Variants in XPO6 observed in about 807,000 individuals in gnomAD.
XPO6 encodes exportin 6.
Under a neutral mutation model 130.0 loss-of-function variants are expected in XPO6, and 3 were observed. The observed-to-expected ratio is 0.02, with a 90% CI of 0.01 to 0.06. XPO6 has a LOEUF of 0.06. XPO6 is among the 10% of genes least tolerant of loss of function. The probability of loss-of-function intolerance (pLI) is 1.00; values close to 1 mark genes in which losing one functional copy is unlikely to be tolerated. For synonymous variants in XPO6, 524 were observed against 548.9 expected, an observed-to-expected ratio of 0.95 and a Z score of 0.63; for missense variants, 970 against 1,393.0, an observed-to-expected ratio of 0.70 and a Z score of 4.83.
chr16:28,169,674 G>T, intron 5 of XPO6, 76 bp downstream of exon 5: 1 of 1,558,490 alleles, frequency 6.4e-7, no homozygotes, highest in Admixed American at 1.9e-5. Flanking sequence ...ACTGCTCAAA[G>T]CTGCTGAGTG....
rs1262287481 is a variant in XPO6, at chr16:28,135,281, G to C, written c.1378C>G (p.Arg460Gly). 1 of 1,613,966 alleles carries C rather than the reference G, an allele frequency of 6.2e-7. No individual in the cohort carries two copies. The highest frequency in any genetic ancestry group is 2.2e-5 in the East Asian group (1 of 44,880). ...GCTTGGTTGTATCTGAACTGGATTC[G>C]ATTCAACACCTCTGTGAGCAGGAGC... ...LVLLLTEVLNRIQFRYNQAQL... is the reference protein window; with the variant it reads ...LVLLLTEVLNGIQFRYNQAQL... Residue 460 changes from arginine to glycine, a missense_variant, in exon 10 of 24, where the codon CGA (arginine) becomes GGA (glycine). By Grantham distance (125) the Arg-to-Gly change is moderately radical. Around this residue, in one of 4 missense-constraint regions of XPO6, gnomAD observed 936 missense variants for 1,306.8 expected, o/e 0.72. Coordinates refer to ENST00000304658, the MANE Select transcript of XPO6 (RefSeq NM_015171.4).
intron 1 of XPO6, among the ~76,000 whole-genome samples, chr16:28,182,425 G>A (rs755000399): frequency 7.2e-5 from 11 of 152,010 alleles, no homozygotes; most frequent in Non-Finnish European, 1.2e-4. Context: ...CAGAACACAG[G>A]GCCACGTTCC....
chr16:28,109,158 C>T (rs575559214), intron 17 of XPO6, among the ~76,000 whole-genome samples: 39 of 151,460 alleles, frequency 2.6e-4, no homozygotes, highest in Non-Finnish European at 4.7e-4. Context: ...GAAATTCAAA[C>T]GAGGACAAAA....
At chr16:28,187,483 T>C (rs2043713921) in intron 1 of XPO6, among the ~76,000 whole-genome samples, 1 of 152,070 alleles carries the variant, frequency 6.6e-6, no homozygotes, top group African/African-American at 2.4e-5. Flanking sequence ...AGTTATTTAA[T>C]GTGTCACTGT....
At chr16:28,147,588 C>T (rs910684622) in intron 8 of XPO6, among the ~76,000 whole-genome samples, 1 of 152,090 alleles carries the variant, frequency 6.6e-6, no homozygotes, top group Admixed American at 6.5e-5. Flanking sequence ...GCAATACTGA[C>T]AATATCCACG....
At chr16:28,211,158 G>A (rs959033804) in intron 1 of XPO6, among the ~76,000 whole-genome samples, 72 of 152,222 alleles carry the variant, frequency 4.7e-4, no homozygotes, top group African/African-American at 1.6e-3. Context: ...TGCGCTCCCA[G>A]GGCCCTCCCA....
At chr16:28,111,135 A>G (rs1364307842) in intron 17 of XPO6, 1 of 152,264 alleles carries the variant, frequency 6.6e-6, no homozygotes, top group East Asian at 1.9e-4. Flanking sequence ...TTTAAAGAGT[A>G]TAGTATTTAT....
At chr16:28,154,301 A>C in intron 7 of XPO6, 3 of 979,722 alleles carry the variant, frequency 3.1e-6, no homozygotes, top group Non-Finnish European at 3.6e-6. Context: ...AATACAGAAC[A>C]ATCTCAATTT....
intron 9 of XPO6, among the ~76,000 whole-genome samples, chr16:28,135,647 C>A (rs1486076811): frequency 2.0e-5 from 3 of 152,122 alleles, no homozygotes; most frequent in African/African-American, 4.8e-5. Context: ...TTTCTTTTGG[C>A]TACTTTTTGC....
At chr16:28,102,102 A>G in intron 21 of XPO6, 157 bp from the exon 22 acceptor site, 1 of 595,642 alleles carries the variant, frequency 1.7e-6, no homozygotes, top group Non-Finnish European at 2.9e-6. Flanking sequence ...CCTAAGTCTC[A>G]GAGTTCATGT....
At chr16:28,144,074 T>C (rs1177941400) in intron 9 of XPO6, among the ~76,000 whole-genome samples, 1 of 152,264 alleles carries the variant, frequency 6.6e-6, no homozygotes, top group East Asian at 1.9e-4. Flanking sequence ...AAGATATGCC[T>C]ATTTAGCATG....
intron 9 of XPO6, among the ~76,000 whole-genome samples, chr16:28,139,271 G>A (rs1472055682): frequency 6.6e-6 from 1 of 152,152 alleles, no homozygotes; most frequent in South Asian, 2.1e-4. Context: ...GAGAGAAGGC[G>A]CCATCTGCAA....
At chr16:28,202,858 G>C (rs1282530579) in intron 1 of XPO6, among the ~76,000 whole-genome samples, 1 of 152,188 alleles carries the variant, frequency 6.6e-6, no homozygotes, top group Non-Finnish European at 1.5e-5. Flanking sequence ...TTCAAGAAAA[G>C]AAAAGGAGAT....
At chr16:28,107,784 T>A (rs1384250253) in intron 17 of XPO6, 107 bp from the exon 18 acceptor site, 1 of 1,200,726 alleles carries the variant, frequency 8.3e-7, no homozygotes. Context: ...AAGAAGATGA[T>A]CACACGAGTC....
intron 7 of XPO6, chr16:28,154,207 C>T (rs1000261071): frequency 2.5e-5 from 24 of 973,504 alleles, no homozygotes; most frequent in Non-Finnish European, 2.7e-5. Flanking sequence ...AGTCACCACC[C>T]AGCTGACTGT....
intron 4 of XPO6, among the ~76,000 whole-genome samples, chr16:28,172,550 A>G (rs2043466748): frequency 6.6e-6 from 1 of 152,148 alleles, no homozygotes; most frequent in South Asian, 2.1e-4. Flanking sequence ...GCTGACGTAT[A>G]TGCAGGCAGG....
At chr16:28,138,144 A>G (rs1026887176) in intron 9 of XPO6, among the ~76,000 whole-genome samples, 15 of 152,298 alleles carry the variant, frequency 9.8e-5, no homozygotes, top group African/African-American at 3.1e-4. Flanking sequence ...AAATTCACCC[A>G]ATAAAGTCAA....
chr16:28,103,219 T>C (rs542143281), intron 21 of XPO6, among the ~76,000 whole-genome samples: 67 of 152,286 alleles, frequency 4.4e-4, no homozygotes, highest in African/African-American at 1.5e-3. Context: ...CAGAATGTCA[T>C]AGAATGGCAT....
intron 1 of XPO6, among the ~76,000 whole-genome samples, chr16:28,193,548 T>C (rs945663150): frequency 1.8e-4 from 27 of 152,094 alleles, no homozygotes; most frequent in Admixed American, 6.5e-5. Flanking sequence ...GTTCCATCCC[T>C]CCACCCCACT....
Sources: gnomAD v4.1 joint callset for allele counts (sites outside exome capture counted in the v4.1 genomes callset) on GRCh38, gnomAD v4.1.1 for gene constraint, gnomAD v4.1.1 regional missense constraint, MANE v1.5 for transcripts, NCBI Gene and HGNC (gene_info 2026-07-23, HGNC 2026-07-21) for gene names.